The following MBNL1 variants were observed in gnomAD, a reference collection of about 807,000 sequenced individuals.
The protein encoded by MBNL1 is muscleblind like splicing regulator 1, also known as muscleblind-like protein 1.
A neutral mutation model predicts 42.2 loss-of-function variants in MBNL1; 8 were observed. The ratio of observed to expected loss-of-function variants is 0.19; its 90% confidence interval spans 0.11 to 0.34. The LOEUF (loss-of-function observed/expected upper bound fraction) is 0.34, where lower values mean the gene tolerates loss of function less well. MBNL1 is among the 10% of genes least tolerant of loss of function. MBNL1 has a pLI of 1.00. For missense variants in MBNL1, 309 were observed against 495.3 expected, an observed-to-expected ratio of 0.62 and a Z score of 3.57; for synonymous variants, 169 against 173.9, an observed-to-expected ratio of 0.97 and a Z score of 0.22.
chr3:152,388,184 A>AAC (rs1390805695), intron 2 of MBNL1, among the ~76,000 whole-genome samples: 1 of 152,134 alleles, frequency 6.6e-6, no homozygotes, highest in Non-Finnish European at 1.5e-5. Flanking sequence ...GGAAATTTTC[A>AAC]TCAGGTGCTC....
chr3:152,436,660 A>G (rs76176631), intron 4 of MBNL1, among the ~76,000 whole-genome samples: 10,848 of 152,072 alleles, frequency 0.071, 513 homozygotes, highest in Middle Eastern at 0.16. Flanking sequence ...GCTGGTTATA[A>G]CTCTTCTAAT....
intron 2 of MBNL1, among the ~76,000 whole-genome samples, chr3:152,260,361 G>C (rs897581403): frequency 1.3e-5 from 2 of 152,104 alleles, no homozygotes; most frequent in Non-Finnish European, 2.9e-5. Context: ...CTGGACTGAC[G>C]GCACATTCAC....
chr3:152,398,273 A>G (rs975078861), intron 2 of MBNL1, among the ~76,000 whole-genome samples: 3 of 152,140 alleles, frequency 2.0e-5, no homozygotes, highest in African/African-American at 7.2e-5. Flanking sequence ...CAGTTGATTA[A>G]AAATTAGGCC....
intron 2 of MBNL1, among the ~76,000 whole-genome samples, chr3:152,335,595 G>T (rs1057401304): frequency 1.3e-5 from 2 of 151,352 alleles, no homozygotes; most frequent in African/African-American, 4.9e-5. Flanking sequence ...GAAAGCAGTT[G>T]TTCCTCCTTT....
At chr3:152,369,146 T>A (rs965859736) in intron 2 of MBNL1, among the ~76,000 whole-genome samples, 4 of 152,182 alleles carry the variant, frequency 2.6e-5, no homozygotes, top group Non-Finnish European at 5.9e-5. Flanking sequence ...TGGTTGTGGG[T>A]TTGTCATAAA....
intron 2 of MBNL1, among the ~76,000 whole-genome samples, chr3:152,377,153 CT>C (rs1334492161): frequency 6.6e-6 from 1 of 152,064 alleles, no homozygotes; most frequent in Non-Finnish European, 1.5e-5. Flanking sequence ...GTGGTTGTTC[CT>C]TTTTTCAAAG....
In MBNL1 at chr3:152,364,058, A is replaced by AT. The variant is rs536270546; in HGVS notation, c.175-50876dup. Among the ~76,000 whole-genome samples the AT allele has an allele frequency of 2.0e-3, 299 of 152,036 alleles. 1 individual carries two copies. Among genetic ancestry groups the AT allele is most frequent in the Admixed American group, 5.3e-3 (81 of 15,254 alleles). On this transcript the variant is annotated intron_variant, in intron 2 of 9. Coordinates refer to ENST00000324210, the MANE Select transcript of MBNL1 (RefSeq NM_021038.5). ...CATAATAAGACTATTGGTCAGGTGC[A>AT]TTTTTTTCCCTACAATACATTAAAT...
intron 3 of MBNL1, among the ~76,000 whole-genome samples, chr3:152,420,351 A>G (rs186709451): frequency 6.6e-6 from 1 of 152,258 alleles, no homozygotes; most frequent in East Asian, 1.9e-4. Flanking sequence ...ATCGAAAGAC[A>G]CTTCATATAG....
chr3:152,341,902 AT>A (rs1438088003), intron 2 of MBNL1, among the ~76,000 whole-genome samples: 23 of 152,178 alleles, frequency 1.5e-4, no homozygotes, highest in African/African-American at 5.5e-4. Flanking sequence ...TTAGGTGGAA[AT>A]AAAAGCTCAC....
At chr3:152,361,965 G>A (rs2095994755) in intron 2 of MBNL1, among the ~76,000 whole-genome samples, 1 of 152,156 alleles carries the variant, frequency 6.6e-6, no homozygotes, top group Non-Finnish European at 1.5e-5. Flanking sequence ...TCTCAGCAAG[G>A]AGTTAGTAGT....
chr3:152,272,540 A>G (rs1388721604), intron 1 of MBNL1, among the ~76,000 whole-genome samples: 4 of 152,022 alleles, frequency 2.6e-5, no homozygotes, highest in Admixed American at 1.3e-4. Flanking sequence ...AATACTTAAT[A>G]TGTGTTTTCT....
chr3:152,316,664 G>A (rs1463727146), intron 2 of MBNL1, among the ~76,000 whole-genome samples: 1 of 152,080 alleles, frequency 6.6e-6, no homozygotes, highest in African/African-American at 2.4e-5. Flanking sequence ...TAAAAGCTGT[G>A]TGCCTCTGAT....
At chr3:152,270,144 A>G (rs1312943530) in intron 1 of MBNL1, among the ~76,000 whole-genome samples, 2 of 151,840 alleles carry the variant, frequency 1.3e-5, no homozygotes, top group African/African-American at 2.4e-5. Context: ...TCTGGGGTGT[A>G]TTTCCGTGGA....
chr3:152,283,747 G>A (rs2049914064), intron 1 of MBNL1, among the ~76,000 whole-genome samples: 1 of 152,132 alleles, frequency 6.6e-6, no homozygotes, highest in South Asian at 2.1e-4. Context: ...TTACATACAG[G>A]TGTTCCATAC....
intron 2 of MBNL1, among the ~76,000 whole-genome samples, chr3:152,323,041 C>CGTA: frequency 6.6e-6 from 1 of 152,238 alleles, no homozygotes; most frequent in South Asian, 2.1e-4. Context: ...TGGGGTTATA[C>CGTA]TGGTTTCAGT....
intron 9 of MBNL1, among the ~76,000 whole-genome samples, chr3:152,459,627 G>A (rs892669): frequency 0.28 from 42,987 of 151,980 alleles, 6,491 homozygotes; most frequent in Middle Eastern, 0.41. Flanking sequence ...ATTAGAAGGT[G>A]TAGATCAAGG....
In MBNL1 at chr3:152,445,346, C is replaced by A. The variant is rs753484865; in HGVS notation, c.614C>A (p.Pro205His). The change falls in exon 5 of 10, where the codon CCT (proline) becomes CAT (histidine). Residue 205 changes from proline to histidine, a missense_variant. Pro to His is a moderately conservative substitution (Grantham distance 77). Coordinates refer to ENST00000324210, the MANE Select transcript of MBNL1 (RefSeq NM_021038.5). ...RGENDCRFAH[P>H]ADSTMIDTND... ...GAAAATGATTGTCGGTTTGCTCATCCTGCTGACAGCACAATGATTGACACC... is the reference window on the plus strand; with the variant it reads ...GAAAATGATTGTCGGTTTGCTCATCATGCTGACAGCACAATGATTGACACC... 9 of 1,613,930 alleles carry A rather than the reference C, an allele frequency of 5.6e-6. No individual in the cohort carries two copies. Among genetic ancestry groups the A allele is most frequent in the African/African-American group, 1.3e-5 (1 of 74,916 alleles).
At chr3:152,289,911 G>GT (rs1247506051) in intron 1 of MBNL1, among the ~76,000 whole-genome samples, 2 of 151,884 alleles carry the variant, frequency 1.3e-5, no homozygotes, top group Non-Finnish European at 2.9e-5. Context: ...TCACTAATTT[G>GT]TTTTTTTAGG....
intron 2 of MBNL1, among the ~76,000 whole-genome samples, chr3:152,249,111 A>C: frequency 2.1e-5 from 3 of 143,822 alleles, no homozygotes; most frequent in African/African-American, 7.7e-5. Context: ...AGCATGATTT[A>C]TAGTCCTTTG....
Sources: gnomAD v4.1 joint callset for allele counts (sites outside exome capture counted in the v4.1 genomes callset) on GRCh38, gnomAD v4.1.1 for gene constraint, MANE v1.5 for transcripts, NCBI Gene and HGNC (gene_info 2026-07-23, HGNC 2026-07-21) for gene names.